The following FBXL2 variants were observed in gnomAD, a reference collection of about 807,000 sequenced individuals.
The protein encoded by FBXL2 is F-box/LRR-repeat protein 2.
A neutral mutation model predicts 69.2 loss-of-function variants in FBXL2; 38 were observed. The ratio of observed to expected loss-of-function variants is 0.55; its 90% confidence interval spans 0.42 to 0.72. The LOEUF (loss-of-function observed/expected upper bound fraction) is 0.72, where lower values mean the gene tolerates loss of function less well. Among genes scored for constraint, FBXL2 ranks in the 30% least tolerant of loss-of-function variants. The pLI is 0.00. For missense variants in FBXL2, 354 were observed against 520.3 expected (o/e 0.68, Z 3.11); for synonymous variants, 192 against 201.3 (o/e 0.95, Z 0.39).
chr3:33,408,256 C>T (rs1339831512), downstream of FBXL2, among the ~76,000 whole-genome samples: 1 of 152,066 alleles, frequency 6.6e-6, no homozygotes, highest in East Asian at 1.9e-4. Context: ...TAACTGTCCA[C>T]AAAATTTTAT....
intron 13 of FBXL2, 66 bp from the exon 14 acceptor site, chr3:33,383,923 T>C: frequency 2.0e-6 from 3 of 1,537,774 alleles, no homozygotes; most frequent in Non-Finnish European, 2.7e-6. Flanking sequence ...GCTTCCAGCT[T>C]TTTTTTAGGA....
chr3:33,305,598 T>C (rs2036645064), intron 2 of FBXL2, among the ~76,000 whole-genome samples: 1 of 152,010 alleles, frequency 6.6e-6, no homozygotes, highest in Non-Finnish European at 1.5e-5. Context: ...CACGTGTTTT[T>C]CTGTCCTCCA....
At chr3:33,402,577 C>T (rs981577630) in intron 12 of FBXL2, among the ~76,000 whole-genome samples, 1 of 152,070 alleles carries the variant, frequency 6.6e-6, no homozygotes, top group African/African-American at 2.4e-5. Flanking sequence ...TCTACAATTA[C>T]CATAGTTGTG....
intron 1 of FBXL2, among the ~76,000 whole-genome samples, chr3:33,279,744 T>C (rs1468573413): frequency 1.3e-5 from 2 of 152,246 alleles, no homozygotes; most frequent in African/African-American, 4.8e-5. Flanking sequence ...ATATTTATTG[T>C]GTACATATGT....
At chr3:33,278,544 A>C (rs1009050383) in intron 1 of FBXL2, among the ~76,000 whole-genome samples, 3 of 152,208 alleles carry the variant, frequency 2.0e-5, no homozygotes, top group Non-Finnish European at 4.4e-5. Context: ...AGCTGGCCTC[A>C]TGGAGAAAAA....
chr3:33,413,865 G>C, the FBXL2 span, among the ~76,000 whole-genome samples: 1 of 152,124 alleles, frequency 6.6e-6, no homozygotes, highest in Non-Finnish European at 1.5e-5. Context: ...TCATAGTGAT[G>C]GTGCATAGGC....
Position 33,277,452 on chromosome 3 carries a change from C to A in FBXL2, c.-61C>A, listed in dbSNP as rs2033381947. 1 of 1,261,216 alleles carries A rather than the reference C, an allele frequency of 7.9e-7. No individual in the cohort carries two copies. Among genetic ancestry groups the A allele is most frequent in the South Asian group, 3.4e-5 (1 of 29,692 alleles). The allele number at this position is 1,261,216 out of a possible 1,614,324, so 78.1% of individuals were successfully genotyped here. A position where few individuals can be genotyped will look rare whatever the true frequency, so the allele number is the denominator to read the frequency against. Reference sequence around the variant, plus strand: ...GGGCGCCTGGCTGGCGTCACCAGGACAACGGGCGTCGCCGGCGCCGTGTGA... The same window carrying A: ...GGGCGCCTGGCTGGCGTCACCAGGAAAACGGGCGTCGCCGGCGCCGTGTGA... On this transcript the variant is annotated 5_prime_UTR_variant, in exon 1 of 15. Transcript: ENST00000484457.
the FBXL2 span, chr3:33,412,873 T>A: frequency 8.0e-7 from 1 of 1,254,206 alleles, no homozygotes; most frequent in Non-Finnish European, 1.2e-6. Flanking sequence ...CTGCTCCAGC[T>A]AAAATGCAGG....
intron 2 of FBXL2, among the ~76,000 whole-genome samples, chr3:33,309,169 G>A (rs2036970178): frequency 6.6e-6 from 1 of 152,120 alleles, no homozygotes; most frequent in South Asian, 2.1e-4. Flanking sequence ...CTGAAAGTGG[G>A]ATATCTACTA....
intron 12 of FBXL2, among the ~76,000 whole-genome samples, chr3:33,399,776 T>A (rs1461051926): frequency 6.6e-6 from 1 of 152,206 alleles, no homozygotes; most frequent in Non-Finnish European, 1.5e-5. Flanking sequence ...GTTGTGCCAA[T>A]GTCAGTTTCC....
chr3:33,342,711 C>CTTT (rs71070130), intron 2 of FBXL2, among the ~76,000 whole-genome samples: 2,481 of 38,230 alleles, frequency 0.065, 517 homozygotes, highest in Non-Finnish European at 0.083. Context: ...AATATAACTT[C>CTTT]TTTTTTTTTT....
chr3:33,330,103 C>T (rs1176122365), intron 2 of FBXL2, among the ~76,000 whole-genome samples: 1 of 151,994 alleles, frequency 6.6e-6, no homozygotes. Flanking sequence ...GGCAACATGG[C>T]AAAACTCTGT....
At chr3:33,280,739 GAAAA>G (rs1221083242) in intron 1 of FBXL2, among the ~76,000 whole-genome samples, 1 of 140,268 alleles carries the variant, frequency 7.1e-6, no homozygotes, top group African/African-American at 2.6e-5. Context: ...AAAAAGAAAA[GAAAA>G]AAAGGCATCT....
intron 12 of FBXL2, chr3:33,396,219 G>A: frequency 1.3e-6 from 2 of 1,595,242 alleles, no homozygotes; most frequent in Non-Finnish European, 1.7e-6. Context: ...TGCTGCCCTT[G>A]CAGCACTGTG....
At position 33,373,920 on chromosome 3, in the gene FBXL2, C is replaced by A; in HGVS notation, c.656C>A (p.Ser219Ter). ...ELVSLNLQSCSRITDEGVVQI... is the reference protein window; with the variant it reads ...ELVSLNLQSC ...GTGAGCCTCAACTTGCAGTCCTGCT[C>A]AGTAAGTAGCGTGCCTTTCCTGAAC... Residue 219 changes from serine to a stop codon, truncating the protein, a stop_gained and splice_region_variant, in exon 9 of 15, where the codon TCA becomes TAA. Coordinates refer to ENST00000484457, the MANE Select transcript of FBXL2 (RefSeq NM_012157.5). LOFTEE classifies it high-confidence loss of function. 6.2e-7 allele frequency: 1 copy of A among 1,614,116 alleles called. No homozygotes were observed. The highest frequency in any genetic ancestry group is 8.5e-7 in the Non-Finnish European group (1 of 1,179,938).
chr3:33,411,720 C>G, the FBXL2 span: 1 of 1,546,394 alleles, frequency 6.5e-7, no homozygotes, highest in Non-Finnish European at 8.9e-7. Flanking sequence ...ATAAAAACAT[C>G]CACTTTAAAT....
the FBXL2 span, chr3:33,414,056 CT>C: frequency 6.6e-6 from 1 of 151,880 alleles, no homozygotes; most frequent in Non-Finnish European, 1.5e-5. Context: ...GACTTCAGAG[CT>C]TTACTAAGCC....
chr3:33,392,488 C>A, downstream of FBXL2: 1 of 1,244,506 alleles, frequency 8.0e-7, no homozygotes, highest in Non-Finnish European at 1.1e-6. Context: ...AGAATAAACA[C>A]GAGAGGCACT....
the FBXL2 span, among the ~76,000 whole-genome samples, chr3:33,415,172 T>C: frequency 2.0e-5 from 3 of 152,260 alleles, no homozygotes; most frequent in African/African-American, 7.2e-5. Context: ...AGGTATCACC[T>C]ATCAGACTAA....
Sources: gnomAD v4.1 joint callset for allele counts (sites outside exome capture counted in the v4.1 genomes callset) on GRCh38, gnomAD v4.1.1 for gene constraint, MANE v1.5 for transcripts, NCBI Gene and HGNC (gene_info 2026-07-23, HGNC 2026-07-21) for gene names.